Variants in SLC5A10 observed in about 807,000 individuals in gnomAD.
The protein encoded by SLC5A10 is solute carrier family 5 member 10.
Under a neutral mutation model 68.9 loss-of-function variants are expected in SLC5A10, and 55 were observed. The ratio of observed to expected loss-of-function variants is 0.80; its 90% CI spans 0.64 to 1.00. SLC5A10 has a LOEUF of 1.00. Among genes scored for constraint, SLC5A10 ranks in the 50% least tolerant of loss-of-function variants. The pLI, the probability that SLC5A10 is intolerant of heterozygous loss-of-function variation, is 0.00. For missense variants in SLC5A10, 732 were observed against 819.3 expected (o/e 0.89, Z 1.30); for synonymous variants, 344 against 344.8 (o/e 1.00, Z 0.02).
chr17:18,995,322 G>A (rs1396209871), intron 9 of SLC5A10, among the ~76,000 whole-genome samples: 1 of 152,100 alleles, frequency 6.6e-6, no homozygotes, highest in African/African-American at 2.4e-5. Flanking sequence ...TTCAAGAGGT[G>A]AAAATGCAAC....
chr17:18,975,270 T>C (rs937924704), intron 8 of SLC5A10, among the ~76,000 whole-genome samples: 1 of 152,192 alleles, frequency 6.6e-6, no homozygotes, highest in Admixed American at 6.5e-5. Flanking sequence ...CAGCTTGCCC[T>C]GCGTTCGGAG....
Position 19,004,098 on chromosome 17 carries a change from G to C in SLC5A10, c.983-9312G>C. The C allele has an allele frequency of 3.3e-6, 5 of 1,510,250 alleles. No individual in the cohort carries two copies. Among genetic ancestry groups the C allele is most frequent in the Non-Finnish European group, 4.4e-6 (5 of 1,128,020 alleles). The allele number at this position is 1,510,250 out of a possible 1,614,324, so 93.6% of individuals were successfully genotyped here. A position where few individuals can be genotyped will look rare whatever the true frequency, so the allele number is the denominator to read the frequency against. On this transcript the variant is annotated intron_variant, in intron 9 of 14. Coordinates refer to ENST00000395645, the MANE Select transcript of SLC5A10 (RefSeq NM_001042450.4). This position sits in a 1 kb window ranked among gnomAD's most constrained non-coding sequence, Gnocchi z 5.4. ...GTGGGTGGGCAAGGTCCAGCTCCTA[G>C]CTCCGGCCCAGCTGGGGCACCGCGC...
At position 18,958,781 on chromosome 17, in the gene SLC5A10, C is replaced by T. The variant is rs143669872; in HGVS notation, c.183+28C>T. 8.1e-6 allele frequency: 13 copies of T among 1,612,360 alleles called. No homozygotes were observed. The South Asian group carries it at 9.9e-5, about 12-fold the overall frequency. On this transcript the variant is annotated intron_variant, in intron 2 of 14. Transcript: ENST00000395645. Reference sequence around the variant, plus strand: ...GAGTGCACCCTGACTTCTCACACACCCCCACTTTGTCCGTGGGGCTGTGTC... The same window carrying T: ...GAGTGCACCCTGACTTCTCACACACTCCCACTTTGTCCGTGGGGCTGTGTC...
chr17:19,005,647 A>ACCG (rs2043864745), intron 9 of SLC5A10, among the ~76,000 whole-genome samples: 1 of 136,946 alleles, frequency 7.3e-6, no homozygotes, highest in African/African-American at 2.8e-5. Context: ...GTGCCCTCAA[A>ACCG]CCCCCCCCCT....
intron 9 of SLC5A10, chr17:18,978,872 C>T (rs751477984): frequency 6.2e-7 from 1 of 1,608,634 alleles, no homozygotes; most frequent in Non-Finnish European, 8.5e-7. Context: ...GGAGGGGGCG[C>T]TGGTCAGGCA....
At chr17:19,010,260 A>T (rs1282544388) in intron 9 of SLC5A10, among the ~76,000 whole-genome samples, 1 of 152,138 alleles carries the variant, frequency 6.6e-6, no homozygotes, top group Non-Finnish European at 1.5e-5. Context: ...AGGACTGGGC[A>T]TTGGCCATGG....
chr17:19,015,863 C>G (rs1328516254), intron 11 of SLC5A10, among the ~76,000 whole-genome samples: 1 of 152,212 alleles, frequency 6.6e-6, no homozygotes, highest in Non-Finnish European at 1.5e-5. Context: ...CTGGGCGCTT[C>G]ATGAGGACCG....
intron 9 of SLC5A10, among the ~76,000 whole-genome samples, chr17:18,987,384 G>C (rs944783166): frequency 6.6e-6 from 1 of 152,242 alleles, no homozygotes; most frequent in South Asian, 2.1e-4. Flanking sequence ...GACAGGGCCT[G>C]GCGCACGGCC....
Position 18,978,255 on chromosome 17 carries a change from G to A in SLC5A10, c.982+1266G>A, listed in dbSNP as rs773937610. 9 of 1,604,214 alleles carry A rather than the reference G, an allele frequency of 5.6e-6. No homozygotes were observed. Among genetic ancestry groups the A allele is most frequent in the Middle Eastern group, 1.7e-4 (1 of 6,028 alleles). On this transcript the variant is annotated intron_variant, in intron 9 of 14. Coordinates refer to ENST00000395645, the MANE Select transcript of SLC5A10 (RefSeq NM_001042450.4). ...TCTGGGGGAGGGCAAGGCTCTGGAC[G>A]GGGCCTGCTGTCCTGGCTCTGCTTC... is the stretch of plus-strand genomic sequence containing the variant.
chr17:18,959,153 G>T lies in SLC5A10; in HGVS notation c.202G>T (p.Ala68Ser), dbSNP rs201103784. ...CCTCCAGATTGGAGCCTCCCTCTTC[G>T]CCAGCAGCGAGGGCTCTGGCCTCTT... ...TWWPIGASLFASSEGSGLFIG... is the reference protein window; with the variant it reads ...TWWPIGASLFSSSEGSGLFIG... Residue 68 changes from alanine to serine, a missense_variant, in exon 3 of 15, where the codon GCC becomes TCC. Transcript: ENST00000395645. 4 of 1,611,670 alleles carry T rather than the reference G, an allele frequency of 2.5e-6. No homozygotes were observed. The highest frequency in any genetic ancestry group is 3.4e-6 in the Non-Finnish European group (4 of 1,178,256).
At chr17:18,991,172 C>T (rs1296809026) in intron 9 of SLC5A10, among the ~76,000 whole-genome samples, 1 of 152,218 alleles carries the variant, frequency 6.6e-6, no homozygotes, top group East Asian at 1.9e-4. Flanking sequence ...TCACTTGTGA[C>T]ACCATGAGCT....
At chr17:18,957,485 T>A (rs2042527112) in intron 1 of SLC5A10, among the ~76,000 whole-genome samples, 1 of 152,216 alleles carries the variant, frequency 6.6e-6, no homozygotes, top group Admixed American at 6.5e-5. Flanking sequence ...ATTTATTTAT[T>A]TTGAGACGGA....
chr17:18,983,107 G>GTA (rs2043179635), intron 9 of SLC5A10, among the ~76,000 whole-genome samples: 1 of 152,238 alleles, frequency 6.6e-6, no homozygotes, highest in African/African-American at 2.4e-5. Context: ...ACTGTCAGCC[G>GTA]TACTGGGTGG....
intron 9 of SLC5A10, among the ~76,000 whole-genome samples, chr17:19,010,184 T>C (rs1275265081): frequency 6.6e-6 from 1 of 151,594 alleles, no homozygotes; most frequent in Non-Finnish European, 1.5e-5. Context: ...TCCCTTTGCT[T>C]GCTTGCAGGG....
intron 9 of SLC5A10, chr17:18,977,955 C>A: frequency 6.2e-7 from 1 of 1,601,584 alleles, no homozygotes; most frequent in Non-Finnish European, 8.5e-7. Context: ...TTGGGGAGCC[C>A]CACCCCGAGG....
At chr17:19,001,246 C>A (rs1408136218) in intron 9 of SLC5A10, among the ~76,000 whole-genome samples, 1 of 152,210 alleles carries the variant, frequency 6.6e-6, no homozygotes, top group African/African-American at 2.4e-5. Context: ...GAAGGAAGTG[C>A]CCAGGGCAGA....
At chr17:18,974,692 C>T (rs971168648) in intron 8 of SLC5A10, among the ~76,000 whole-genome samples, 6 of 152,226 alleles carry the variant, frequency 3.9e-5, no homozygotes, top group South Asian at 4.1e-4. Context: ...TCACATTCAC[C>T]GGAGGCCCTT....
rs146352917 is a variant in SLC5A10, at chr17:18,954,587, A to G, written c.111+2271A>G. Among the ~76,000 whole-genome samples the G allele has an allele frequency of 5.6e-3, 856 of 152,366 alleles. 2 individuals are homozygous for G. The highest frequency in any genetic ancestry group is 8.6e-3 in the Non-Finnish European group (586 of 68,032). Reference sequence around the variant, plus strand: ...ATGCATCCCACAGGGAGAAGCAGACAGAGCAAGCCAGGCAGGTGCAGCCCT... The same window carrying G: ...ATGCATCCCACAGGGAGAAGCAGACGGAGCAAGCCAGGCAGGTGCAGCCCT... On this transcript the variant is annotated intron_variant, in intron 1 of 14. Coordinates refer to ENST00000395645, the MANE Select transcript of SLC5A10 (RefSeq NM_001042450.4).
In SLC5A10 at chr17:19,003,916, G is replaced by A. The variant is rs765942771; in HGVS notation, c.983-9494G>A. The A allele has an allele frequency of 3.1e-6, 5 of 1,612,850 alleles. No individual in the cohort carries two copies. The Admixed American group carries it at 6.7e-5, about 22-fold the overall frequency. The stretch of plus-strand genomic sequence containing the variant: ...TGAGCACCTCGTAGAAGGCGTCCCG[G>A]CCGCGGGCCACCAGGGCCTCCAGCG... On this transcript the variant is annotated intron_variant, in intron 9 of 14. Transcript: ENST00000395645. The surrounding 1 kb of genome is among the most constrained non-coding windows in gnomAD (Gnocchi z 4.5).
Sources: gnomAD v4.1 joint callset for allele counts (sites outside exome capture counted in the v4.1 genomes callset) on GRCh38, gnomAD v4.1.1 for gene constraint, Gnocchi (gnomAD v3.1) non-coding constraint, MANE v1.5 for transcripts, NCBI Gene and HGNC (gene_info 2026-07-23, HGNC 2026-07-21) for gene names.